SELE: variants seen among roughly 807,000 people sequenced by gnomAD.
The protein encoded by SELE is selectin E, also known as E-selectin.
Under a neutral mutation model 75.8 loss-of-function variants are expected in SELE, and 52 were observed. That is an observed-to-expected ratio of 0.69 (90% CI 0.55 to 0.86). SELE has a LOEUF of 0.86. SELE is among the 40% of genes least tolerant of loss of function. The pLI is 0.00. For synonymous variants in SELE, 285 were observed against 258.7 expected, an observed-to-expected ratio of 1.10 and a Z score of -0.98; for missense variants, 754 against 732.7, an observed-to-expected ratio of 1.03 and a Z score of -0.34.
At position 169,729,532 on chromosome 1, in the gene SELE, C is replaced by A. The variant is rs1648857480; in HGVS notation, c.857G>T (p.Cys286Phe). 2 of 1,614,172 alleles carry A rather than the reference C, an allele frequency of 1.2e-6. No individual in the cohort carries two copies. The highest frequency in any genetic ancestry group is 1.7e-6 in the Non-Finnish European group (2 of 1,180,012). Residue 286 changes from cysteine (C) to phenylalanine (F), a missense_variant, in exon 6 of 14, where the codon TGT becomes TTT. Cys to Phe is a radical substitution (Grantham distance 205). Coordinates refer to ENST00000333360, the MANE Select transcript of SELE (RefSeq NM_000450.2). ...FELMGAQSLQCTSSGNWDNEK... is the reference protein window; with the variant it reads ...FELMGAQSLQFTSSGNWDNEK... ...GTTGTCCCAATTCCCAGATGAGGTA[C>A]ACTGAAGGCTCTGGGCTCCCATTAG...
intron 11 of SELE, 139 bp from the exon 12 acceptor site, chr1:169,726,067 A>T: frequency 2.0e-6 from 2 of 992,058 alleles, no homozygotes; most frequent in Non-Finnish European, 3.1e-6. Flanking sequence ...TCAGAGCACA[A>T]GCATGGCTCT....
chr1:169,729,496 G>T lies in SELE; in HGVS notation c.893C>A (p.Thr298Lys), dbSNP rs770008382. 2.9e-5 allele frequency: 46 copies of T among 1,613,952 alleles called. No homozygotes were observed. In the South Asian group the frequency reaches 4.8e-4, roughly 17 times the overall value. Residue 298 changes from threonine to lysine, a missense_variant, in exon 6 of 14, where the codon ACG becomes AAG. Transcript: ENST00000333360. The stretch of plus-strand genomic sequence containing the variant: ...ATGTGGAACAACTCTACCTTTACAC[G>T]TTGGCTTCTCGTTGTCCCAATTCCC... ...SSGNWDNEKPTCKAVTCRAVR... is the reference protein window; with the variant it reads ...SSGNWDNEKPKCKAVTCRAVR...
rs2101992128 is a variant in SELE at position 169,729,677 on chromosome 1, A to G, written c.716-4T>C. Reference sequence around the variant, plus strand: ...GTCACAGCATCACACTCAACCACTGAGGATTTTAAAGAGCACCATGAATTT... The same window carrying G: ...GTCACAGCATCACACTCAACCACTGGGGATTTTAAAGAGCACCATGAATTT... On this transcript the variant is annotated splice_region_variant and splice_polypyrimidine_tract_variant and intron_variant, in intron 5 of 13. Transcript: ENST00000333360. 3 of 1,613,560 alleles carry G rather than the reference A, an allele frequency of 1.9e-6. No homozygotes were observed. Among genetic ancestry groups the G allele is most frequent in the Non-Finnish European group, 2.5e-6 (3 of 1,179,604 alleles).
At chr1:169,726,383 G>A (rs3917460) in intron 11 of SELE, among the ~76,000 whole-genome samples, 4,546 of 152,250 alleles carry the variant, frequency 0.03, 104 homozygotes, top group South Asian at 0.093. Context: ...TCCTTAGGAA[G>A]AATTTTATCC....
At position 169,730,587 on chromosome 1, in the gene SELE, T is replaced by C; in HGVS notation, c.560A>G (p.Glu187Gly). 6.2e-7 allele frequency: 1 copy of C among 1,613,958 alleles called. No individual in the cohort carries two copies. The highest frequency in any genetic ancestry group is 8.5e-7 in the Non-Finnish European group (1 of 1,179,950). Residue 187 changes from glutamate (E) to glycine (G), a missense_variant, in exon 5 of 14, where the codon GAG (glutamate) becomes GGG (glycine). By Grantham distance (98) the Glu-to-Gly change is moderately conservative. Coordinates refer to ENST00000333360, the MANE Select transcript of SELE (RefSeq NM_000450.2). ...GTGACTGCAAACCAGGCTTCCATGC[T>C]CAGGGGATTCCAGGGCTGTACAGTT... ...IVNCTALESPEHGSLVCSHPL... is the reference protein window; with the variant it reads ...IVNCTALESPGHGSLVCSHPL...
intron 2 of SELE, 129 bp downstream of exon 2, chr1:169,733,447 A>G (rs976602360): frequency 1.1e-6 from 1 of 887,670 alleles, no homozygotes; most frequent in African/African-American, 1.7e-5. Flanking sequence ...GGAAGAACAC[A>G]TTGCAGGTAG....
chr1:169,728,167 A>G lies in SELE; in HGVS notation c.1170T>C (p.Tyr390=), dbSNP rs981481944. Residue 390 remains tyrosine (Y), a synonymous_variant, in exon 8 of 14, where the codon TAT becomes TAC. Transcript: ENST00000333360. The part of the protein sequence containing the change: ...CLPSASGSFR[Y]GSSCEFSCEQ... ...CACAGGAGAACTCACAGCTGGACCC[A>G]TAACGGAAACTGCCAGAAGCACTAG... The G allele has an allele frequency of 2.5e-6, 4 of 1,614,104 alleles. No individual in the cohort carries two copies. Among genetic ancestry groups the G allele is most frequent in the Non-Finnish European group, 3.4e-6 (4 of 1,180,046 alleles).
In SELE at chr1:169,722,812, TG is replaced by T. The variant is rs1253323388; in HGVS notation, c.*1712del. 1 of 152,230 alleles carries T rather than the reference TG, an allele frequency of 6.6e-6. No homozygotes were observed. Among genetic ancestry groups the T allele is most frequent in the Non-Finnish European group, 1.5e-5 (1 of 68,036 alleles). The allele number at this position is 152,230 out of a possible 1,614,324, so 9.4% of individuals were successfully genotyped here. A position where few individuals can be genotyped will look rare whatever the true frequency, so the allele number is the denominator to read the frequency against. On this transcript the variant is annotated 3_prime_UTR_variant, in exon 14 of 14. Coordinates refer to ENST00000333360, the MANE Select transcript of SELE (RefSeq NM_000450.2). ...GGTATTTCACACAGCTAATTTCTAA[TG>T]CAGTTTACATAAATATTTACAACAC...
chr1:169,728,460 A>T (rs1444845628), intron 7 of SELE, among the ~76,000 whole-genome samples: 1 of 152,240 alleles, frequency 6.6e-6, no homozygotes, highest in African/African-American at 2.4e-5. Context: ...TCAGAACATT[A>T]GTTCCTGAGC....
In SELE at chr1:169,729,268, C is replaced by A. The variant is rs1284616375; in HGVS notation, c.1008G>T (p.Glu336Asp). Reference protein sequence around the residue: ...TFKSSCNFTCEEGFMLQGPAQ... With the variant: ...TFKSSCNFTCDEGFMLQGPAQ... ...CTGGTCCCTGCAACATGAAGCCTTC[C>A]TCACAGGTGAAGTTGCAGGATGATT... Residue 336 changes from glutamate (E) to aspartate (D), a missense_variant, in exon 7 of 14, where the codon GAG becomes GAT. By Grantham distance (45) the Glu-to-Asp change is conservative. Transcript: ENST00000333360. 1 of 1,614,106 alleles carries A rather than the reference C, an allele frequency of 6.2e-7. No individual in the cohort carries two copies. The highest frequency in any genetic ancestry group is 1.3e-5 in the African/African-American group (1 of 75,046).
chr1:169,733,535 G>C (rs763967814), intron 2 of SELE, 41 bp downstream of exon 2: 1 of 1,585,556 alleles, frequency 6.3e-7, no homozygotes, highest in South Asian at 1.1e-5. Context: ...AATATCTATA[G>C]TGCGAGAATG....
intron 3 of SELE, 68 bp from the exon 4 acceptor site, chr1:169,732,010 G>A: frequency 1.0e-6 from 1 of 981,432 alleles, no homozygotes; most frequent in Non-Finnish European, 1.6e-6. Context: ...TTTGATTTTA[G>A]AATCAACAGT....
rs1648800274 is a variant in SELE at position 169,727,343 on chromosome 1, C to T, written c.1645+6G>A. The T allele has an allele frequency of 1.1e-5, 18 of 1,607,860 alleles. No homozygotes were observed. Among genetic ancestry groups the T allele is most frequent in the Non-Finnish European group, 1.5e-5 (18 of 1,177,082 alleles). Reference sequence around the variant, plus strand: ...ACCAGACAACCACCATCAATCAATGCATCACCTTCACAGGTAGGTAGCAGG... The same window carrying T: ...ACCAGACAACCACCATCAATCAATGTATCACCTTCACAGGTAGGTAGCAGG... On this transcript the variant is annotated splice_donor_region_variant and intron_variant, in intron 10 of 13. Coordinates refer to ENST00000333360, the MANE Select transcript of SELE (RefSeq NM_000450.2).
rs903737762 is a variant in SELE, at chr1:169,732,032, A to T, written c.422-90T>A. 3 of 783,406 alleles carry T rather than the reference A, an allele frequency of 3.8e-6. No homozygotes were observed. The African/African-American group carries it at 5.1e-5, about 13-fold the overall frequency. The allele number at this position is 783,406 out of a possible 1,614,324, so 48.5% of individuals were successfully genotyped here. A position where few individuals can be genotyped will look rare whatever the true frequency, so the allele number is the denominator to read the frequency against. On this transcript the variant is annotated intron_variant, in intron 3 of 13. Transcript: ENST00000333360. ...TTAGAATCAACAGTGTGCAACAGAG[A>T]CATCAGCAGTCCTACAGAGTGCCAT... is the stretch of plus-strand genomic sequence containing the variant.
At chr1:169,732,470 C>A in intron 3 of SELE, 145 bp downstream of exon 3, 1 of 947,624 alleles carries the variant, frequency 1.1e-6, no homozygotes, top group South Asian at 1.9e-5. Flanking sequence ...TCACACAAAA[C>A]AGCAAAAGAG....
At position 169,729,652 on chromosome 1, in the gene SELE, G is replaced by T. The variant is rs763606195; in HGVS notation, c.737C>A (p.Thr246Lys). ...ACNVVECDAV[T>K]NPANGFVECF... ...TTCCACGAACCCATTGGCTGGATTTGTCACAGCATCACACTCAACCACTGA... is the reference window on the plus strand; with the variant it reads ...TTCCACGAACCCATTGGCTGGATTTTTCACAGCATCACACTCAACCACTGA... The change falls in exon 6 of 14, where the codon ACA becomes AAA. Residue 246 changes from threonine to lysine, a missense_variant. Physicochemically the swap from Thr to Lys is moderately conservative, Grantham distance 78. Transcript: ENST00000333360. 6.2e-7 allele frequency: 1 copy of T among 1,614,068 alleles called. No individual in the cohort carries two copies.
In SELE at chr1:169,731,919, T is replaced by G. The variant is rs5361; in HGVS notation, c.445A>C (p.Ser149Arg). 0.092 allele frequency: 148,268 copies of G among 1,612,270 alleles called. 7,453 individuals are homozygous for G. The highest frequency in any genetic ancestry group is 0.11 in the Middle Eastern group (694 of 6,058). ...GTCTCTACACATTCACCGTGGCCACTGCAGGATGTATTGGTACAGGCAGCT... is the reference window on the plus strand; with the variant it reads ...GTCTCTACACATTCACCGTGGCCACGGCAGGATGTATTGGTACAGGCAGCT... ...YTAACTNTSCSGHGECVETIN... is the reference protein window; with the variant it reads ...YTAACTNTSCRGHGECVETIN... Residue 149 changes from serine (S) to arginine (R), a missense_variant, in exon 4 of 14, where the codon AGT (serine) becomes CGT (arginine). By Grantham distance (110) the Ser-to-Arg change is moderately radical. Transcript: ENST00000333360.
Position 169,726,696 on chromosome 1 carries a change from C to T in SELE, c.1753+3G>A, listed in dbSNP as rs1260877788. Reference sequence around the variant, plus strand: ...TTTGAAGTACATTCATAAACTTCCTCACCTTTCCGTAAGCATTTCCGAAGC... The same window carrying T: ...TTTGAAGTACATTCATAAACTTCCTTACCTTTCCGTAAGCATTTCCGAAGC... On this transcript the variant is annotated splice_donor_region_variant and intron_variant, in intron 11 of 13. Transcript: ENST00000333360. 11 of 1,601,064 alleles carry T rather than the reference C, an allele frequency of 6.9e-6. No individual in the cohort carries two copies. Among genetic ancestry groups the T allele is most frequent in the Admixed American group, 1.7e-5 (1 of 59,944 alleles).
rs571858687 is a variant in SELE, at chr1:169,727,866, A to G, written c.1341T>C (p.Pro447=). 1.2e-6 allele frequency: 2 copies of G among 1,614,116 alleles called. No individual in the cohort carries two copies. The highest frequency in any genetic ancestry group is 2.2e-5 in the South Asian group (2 of 91,080). ...AGGACTTGTAGGTGAATTCTCCAAT[A>G]GGGGAATGAGCACACCTCACCAAAC... ...PKGLVRCAHS[P]IGEFTYKSSC... Residue 447 remains proline, a synonymous_variant, in exon 9 of 14, where the codon CCT becomes CCC. Transcript: ENST00000333360.
Sources: allele counts gnomAD v4.1 joint callset (sites outside exome capture counted in the v4.1 genomes callset), GRCh38; gene constraint gnomAD v4.1.1; transcripts MANE v1.5; gene names NCBI Gene and HGNC (gene_info 2026-07-23, HGNC 2026-07-21).